Variants in CLBA1 observed in about 807,000 individuals in gnomAD.
CLBA1 encodes clathrin binding box of aftiphilin containing 1.
A neutral mutation model predicts 28.8 loss-of-function variants in CLBA1; 30 were observed. The observed-to-expected ratio is 1.04, with a 90% CI of 0.78 to 1.41. The LOEUF (loss-of-function observed/expected upper bound fraction) is 1.41, where lower values mean the gene tolerates loss of function less well. Among genes scored for constraint, CLBA1 ranks in the 40% most tolerant of loss-of-function variants. The pLI, the probability that CLBA1 is intolerant of heterozygous loss-of-function variation, is 0.00. For synonymous variants in CLBA1, 160 were observed against 152.8 expected (o/e 1.05, Z -0.35); for missense variants, 451 against 412.3 (o/e 1.09, Z -0.81).
At position 104,993,458 on chromosome 14, in the gene CLBA1, C is replaced by T. The variant is rs547265506; in HGVS notation, c.816+394C>T. On this transcript the variant is annotated intron_variant, in intron 4 of 4. Coordinates refer to ENST00000547315, the MANE Select transcript of CLBA1 (RefSeq NM_174891.4). ...ACTCCGCCTGGGCAGCTGTCGTGAA[C>T]GGATCTGACTGGCGGCTTCAGTCAC... The T allele has an allele frequency of 1.2e-4, 121 of 985,396 alleles. 1 individual carries two copies. The African/African-American group carries it at 1.8e-3, about 15-fold the overall frequency. 61.0% of individuals were successfully genotyped at this position (985,396 alleles called of 1,614,324 possible).
chr14:104,986,913 T>C (rs1274170346), intron 1 of CLBA1, 59 bp downstream of exon 1: 33 of 1,559,522 alleles, frequency 2.1e-5, no homozygotes, highest in Non-Finnish European at 2.6e-5. Flanking sequence ...CCAAGAGGCC[T>C]ACAGCCCTCG....
chr14:105,000,907 A>G (rs1018824912), intron 2 of CLBA1, among the ~76,000 whole-genome samples: 1 of 152,074 alleles, frequency 6.6e-6, no homozygotes, highest in Non-Finnish European at 1.5e-5. Context: ...TATTTATCCA[A>G]TGGAAAGGAA....
At chr14:104,992,837 TGA>T in intron 3 of CLBA1, 109 bp from the exon 4 acceptor site, 5 of 901,580 alleles carry the variant, frequency 5.5e-6, no homozygotes, top group Non-Finnish European at 7.4e-6. Flanking sequence ...GAGAGGGGCC[TGA>T]GAGAACTTTG....
chr14:104,993,438 G>T (rs978092575), intron 4 of CLBA1: 1 of 985,270 alleles, frequency 1.0e-6, no homozygotes, highest in African/African-American at 1.7e-5. Context: ...TGTTGACTCC[G>T]CCTGGGCAGC....
At chr14:104,997,029 C>T (rs565508796), downstream of CLBA1, among the ~76,000 whole-genome samples, 2 of 152,188 alleles carry the variant, frequency 1.3e-5, no homozygotes, top group East Asian at 1.9e-4. Context: ...GGCAAGAAAA[C>T]GTGAGCCACA....
At chr14:104,988,849 AT>A in intron 1 of CLBA1, 93 bp from the exon 2 acceptor site, 1 of 1,299,370 alleles carries the variant, frequency 7.7e-7, no homozygotes, top group Non-Finnish European at 1.1e-6. Flanking sequence ...TCAATTACAA[AT>A]TTCATTTCTA....
chr14:104,987,054 A>G (rs1246319061), intron 1 of CLBA1, among the ~76,000 whole-genome samples, 200 bp downstream of exon 1: 1 of 152,206 alleles, frequency 6.6e-6, no homozygotes, highest in Non-Finnish European at 1.5e-5. Flanking sequence ...TTGGCAGAGG[A>G]GGCTGCAGAA....
downstream of CLBA1, chr14:104,999,321 C>T (rs958413102): frequency 2.7e-5 from 23 of 841,096 alleles, no homozygotes; most frequent in Middle Eastern, 6.1e-4. Context: ...ATAACTGAGC[C>T]GTCAGCCACA....
Position 104,988,944 on chromosome 14 carries a change from C to G in CLBA1, c.425C>G (p.Pro142Arg). The G allele has an allele frequency of 6.2e-7, 1 of 1,602,534 alleles. No individual in the cohort carries two copies. ...ATGCTTTTCTTCTTTTCTTTTCAGC[C>G]CATTCTCAGCTATGAGAACATTTTA... ...TGTSAVPPSE[P>R]ILSYENILKC... Residue 142 changes from proline (P) to arginine (R), a missense_variant and splice_region_variant, in exon 2 of 5, where the codon CCC (proline) becomes CGC (arginine). Pro to Arg is a moderately radical substitution (Grantham distance 103). Coordinates refer to ENST00000547315, the MANE Select transcript of CLBA1 (RefSeq NM_174891.4).
downstream of CLBA1, among the ~76,000 whole-genome samples, chr14:104,997,073 A>G (rs1900169121): frequency 6.6e-6 from 1 of 152,256 alleles, no homozygotes; most frequent in South Asian, 2.1e-4. Flanking sequence ...CCCCAGTGGT[A>G]AAACTGAAGT....
chr14:104,986,267 G>T lies in CLBA1; in HGVS notation c.-165G>T. ...GTGTCAGTTCCACAGCAGCACGTGGGCACTTTCCACCGTCAGCCACTGGGC... is the reference window on the plus strand; with the variant it reads ...GTGTCAGTTCCACAGCAGCACGTGGTCACTTTCCACCGTCAGCCACTGGGC... On this transcript the variant is annotated 5_prime_UTR_variant, in exon 1 of 5. Coordinates refer to ENST00000547315, the MANE Select transcript of CLBA1 (RefSeq NM_174891.4). 1.5e-6 allele frequency: 1 copy of T among 681,328 alleles called. No individual in the cohort carries two copies. 42.2% of individuals were successfully genotyped at this position (681,328 alleles called of 1,614,324 possible).
chr14:104,989,382 G>C lies in CLBA1; in HGVS notation c.569+294G>C, dbSNP rs1294728684. ...TGCCAGTGCTGGTGGAGTGGGTGGG[G>C]GCCTCGCATTCAGTGCGAGTGGCTG... On this transcript the variant is annotated intron_variant, in intron 2 of 4. Transcript: ENST00000547315. 7.1e-6 allele frequency: 3 copies of C among 423,044 alleles called. No homozygotes were observed. The East Asian group carries it at 1.5e-4, about 21-fold the overall frequency. The allele number at this position is 423,044 out of a possible 1,614,324, so 26.2% of individuals were successfully genotyped here. A position where few individuals can be genotyped will look rare whatever the true frequency, so the allele number is the denominator to read the frequency against.
chr14:104,993,406 C>T (rs1900092002), intron 4 of CLBA1: 1 of 985,434 alleles, frequency 1.0e-6, no homozygotes, highest in South Asian at 4.7e-5. Flanking sequence ...CAGGACCAGG[C>T]TGTGACTGTT....
rs541044771 is a variant in CLBA1, at chr14:104,989,672, C to T, written c.569+584C>T. On this transcript the variant is annotated intron_variant, in intron 2 of 4. Coordinates refer to ENST00000547315, the MANE Select transcript of CLBA1 (RefSeq NM_174891.4). ...TGAGCATTGAAAGACAGACAGCGCT[C>T]GAGTGGATTAGGCCGCAGTGGTTGA... is the stretch of plus-strand genomic sequence containing the variant. 6.1e-5 allele frequency: 28 copies of T among 456,144 alleles called. No individual in the cohort carries two copies. In the East Asian group the frequency reaches 1.3e-3, roughly 20 times the overall value. The allele number at this position is 456,144 out of a possible 1,614,324, so 28.3% of individuals were successfully genotyped here.
intron 1 of CLBA1, among the ~76,000 whole-genome samples, 181 bp from the exon 2 acceptor site, chr14:104,988,762 C>G (rs1899937518): frequency 6.6e-6 from 1 of 152,204 alleles, no homozygotes; most frequent in African/African-American, 2.4e-5. Flanking sequence ...CATGAGTCCT[C>G]TGGTTTTGTG....
intron 4 of CLBA1, chr14:104,993,939 GCA>G (rs903942055): frequency 4.1e-6 from 4 of 985,372 alleles, no homozygotes; most frequent in Non-Finnish European, 4.8e-6. Context: ...AGGTTGCATA[GCA>G]CAGGAGGCAG....
rs887047861 is a variant in CLBA1, at chr14:104,985,968, T to TGCGGG, written c.-463_-459dup. 2.8e-5 allele frequency: 6 copies of TGCGGG among 217,284 alleles called. No homozygotes were observed. Among genetic ancestry groups the TGCGGG allele is most frequent in the Non-Finnish European group, 5.7e-5 (6 of 105,968 alleles). The allele number at this position is 217,284 out of a possible 1,614,324, so 13.5% of individuals were successfully genotyped here. ...AGGCCCAGGCGTTCCAGGGCTGCTC[T>TGCGGG]GCGGGCCGCGTGCGAGAGGGACTCT... On this transcript the variant is annotated 5_prime_UTR_variant, in exon 1 of 5. Coordinates refer to ENST00000547315, the MANE Select transcript of CLBA1 (RefSeq NM_174891.4).
At position 104,986,289 on chromosome 14, in the gene CLBA1, G is replaced by A; in HGVS notation, c.-143G>A. ...TGGGCACTTTCCACCGTCAGCCACTGGGCAGCCCGGGGCACTCCTGCAGCG... is the reference window on the plus strand; with the variant it reads ...TGGGCACTTTCCACCGTCAGCCACTAGGCAGCCCGGGGCACTCCTGCAGCG... On this transcript the variant is annotated 5_prime_UTR_variant, in exon 1 of 5. Transcript: ENST00000547315. 1.2e-6 allele frequency: 1 copy of A among 819,708 alleles called. No homozygotes were observed. Among genetic ancestry groups the A allele is most frequent in the Non-Finnish European group, 1.9e-6 (1 of 536,800 alleles). 50.8% of individuals were successfully genotyped at this position (819,708 alleles called of 1,614,324 possible).
At position 104,989,387 on chromosome 14, in the gene CLBA1, C is replaced by T. The variant is rs1226402423; in HGVS notation, c.569+299C>T. The T allele has an allele frequency of 2.9e-5, 12 of 414,758 alleles. No individual in the cohort carries two copies. In the East Asian group the frequency reaches 5.1e-4, roughly 18 times the overall value. The allele number at this position is 414,758 out of a possible 1,614,324, so 25.7% of individuals were successfully genotyped here. A position where few individuals can be genotyped will look rare whatever the true frequency, so the allele number is the denominator to read the frequency against. On this transcript the variant is annotated intron_variant, in intron 2 of 4. Transcript: ENST00000547315. ...GTGCTGGTGGAGTGGGTGGGGGCCT[C>T]GCATTCAGTGCGAGTGGCTGGTGGG...
Sources: gnomAD v4.1 joint callset for allele counts (sites outside exome capture counted in the v4.1 genomes callset) on GRCh38, gnomAD v4.1.1 for gene constraint, MANE v1.5 for transcripts, NCBI Gene and HGNC (gene_info 2026-07-23, HGNC 2026-07-21) for gene names.